Variants in TRHDE observed in about 807,000 individuals in gnomAD.
TRHDE encodes thyrotropin releasing hormone degrading enzyme.
TRHDE carries 72 observed loss-of-function variants against 125.7 expected under a neutral mutation model. The observed-to-expected ratio is 0.57, with a 90% CI of 0.47 to 0.70. TRHDE has a LOEUF of 0.70. Among genes scored for constraint, TRHDE ranks in the 30% least tolerant of loss-of-function variants. The pLI, the probability that TRHDE is intolerant of heterozygous loss-of-function variation, is 0.00. For missense variants in TRHDE, 1,110 were observed against 1,327.1 expected (o/e 0.84, Z 2.54); for synonymous variants, 509 against 509.1 (o/e 1.00, Z 0.00).
In TRHDE at chr12:72,381,495, A is replaced by G. The variant is rs1872176599; in HGVS notation, c.1315+3374A>G. Reference sequence around the variant, plus strand: ...ACTGCAAGCTCCGCCTCCCGGGTTCACGCCATTCTCCTGCCTCAGCCTCCC... The same window carrying G: ...ACTGCAAGCTCCGCCTCCCGGGTTCGCGCCATTCTCCTGCCTCAGCCTCCC... On this transcript the variant is annotated intron_variant, in intron 3 of 18. Coordinates refer to ENST00000261180, the MANE Select transcript of TRHDE (RefSeq NM_013381.3). Among the ~76,000 whole-genome samples the G allele has an allele frequency of 3.4e-5, 5 of 148,712 alleles. No homozygotes were observed. In the South Asian group the frequency reaches 1.1e-3, roughly 31 times the overall value.
intron 3 of TRHDE, among the ~76,000 whole-genome samples, chr12:72,446,816 A>G (rs935909460): frequency 8.5e-5 from 13 of 152,158 alleles, no homozygotes; most frequent in East Asian, 3.9e-4. Flanking sequence ...AGAGCTAACT[A>G]TCCTAAATAT....
At chr12:72,475,338 T>C (rs1876841292) in intron 5 of TRHDE, among the ~76,000 whole-genome samples, 1 of 152,190 alleles carries the variant, frequency 6.6e-6, no homozygotes, top group South Asian at 2.1e-4. Context: ...ATGTCCTTAT[T>C]ACAAGTGATG....
chr12:72,579,101 T>C (rs1260898833), intron 12 of TRHDE, among the ~76,000 whole-genome samples: 2 of 151,916 alleles, frequency 1.3e-5, no homozygotes, highest in African/African-American at 4.8e-5. Context: ...GCAATGAGTG[T>C]CCATGAGGAG....
chr12:72,285,255 G>A (rs1412057164), intron 1 of TRHDE, among the ~76,000 whole-genome samples: 1 of 152,092 alleles, frequency 6.6e-6, no homozygotes, highest in African/African-American at 2.4e-5. Flanking sequence ...ATAATTTTGA[G>A]GCCAAGTTCG....
intron 15 of TRHDE, among the ~76,000 whole-genome samples, chr12:72,640,370 C>A (rs1011355230): frequency 6.6e-6 from 1 of 152,224 alleles, no homozygotes; most frequent in Non-Finnish European, 1.5e-5. Flanking sequence ...GGCTCGCGCA[C>A]GGTGCGTGCA....
chr12:72,604,777 G>T (rs1023780708), intron 12 of TRHDE, among the ~76,000 whole-genome samples: 3 of 151,956 alleles, frequency 2.0e-5, no homozygotes, highest in African/African-American at 7.2e-5. Context: ...CTTCTTACAA[G>T]TGTTAATGAG....
chr12:72,432,815 G>C (rs915808622), intron 3 of TRHDE, among the ~76,000 whole-genome samples: 13 of 152,018 alleles, frequency 8.6e-5, no homozygotes, highest in Admixed American at 2.6e-4. Context: ...TCATTTTTTT[G>C]CTTAGTTAAT....
At chr12:72,105,701 G>A (rs369715438) in exon 2 of TRHDE, 13 of 152,112 alleles carry the variant, frequency 8.5e-5, no homozygotes, top group African/African-American at 3.1e-4. Context: ...GCTAATAGGT[G>A]GCAGTCTGAC....
intron 12 of TRHDE, among the ~76,000 whole-genome samples, chr12:72,576,087 A>G (rs1870980253): frequency 1.3e-5 from 2 of 152,136 alleles, no homozygotes; most frequent in African/African-American, 4.8e-5. Flanking sequence ...TAATATTCAA[A>G]TTAGTTATTC....
intron 15 of TRHDE, among the ~76,000 whole-genome samples, chr12:72,629,273 A>T (rs1873380760): frequency 6.6e-6 from 1 of 151,882 alleles, no homozygotes; most frequent in South Asian, 2.1e-4. Context: ...GCATAGAGGC[A>T]CATAGTCAAT....
chr12:72,590,682 A>G (rs1871634821), intron 12 of TRHDE, among the ~76,000 whole-genome samples: 1 of 152,124 alleles, frequency 6.6e-6, no homozygotes, highest in African/African-American at 2.4e-5. Context: ...ATTACTTTTA[A>G]TATATTTGCT....
At position 72,490,992 on chromosome 12, in the gene TRHDE, C is replaced by CAA. The variant is rs71438815; in HGVS notation, c.1585-8490_1585-8489dup. Among the ~76,000 whole-genome samples the CAA allele has an allele frequency of 1.3e-3, 155 of 119,346 alleles. 1 individual carries two copies. Among genetic ancestry groups the CAA allele is most frequent in the African/African-American group, 3.8e-3 (136 of 35,438 alleles). 78.3% of individuals were successfully genotyped at this position (119,346 alleles called of 152,430 possible). ...ATTTTAGCTGCTCTTGCCACAAAACCAAAAAAAAAAAAAAAAATAGATAGC... is the reference window on the plus strand; with the variant it reads ...ATTTTAGCTGCTCTTGCCACAAAACCAAAAAAAAAAAAAAAAAAATAGATAGC... On this transcript the variant is annotated intron_variant, in intron 5 of 18. Coordinates refer to ENST00000261180, the MANE Select transcript of TRHDE (RefSeq NM_013381.3).
At chr12:72,248,594 G>C (rs1878621160) in intron 2 of TRHDE, among the ~76,000 whole-genome samples, 2 of 152,148 alleles carry the variant, frequency 1.3e-5, no homozygotes, top group Admixed American at 6.5e-5. Context: ...AGAAGAGGAA[G>C]GAGAACAAAT....
At position 72,272,375 on chromosome 12, in the gene TRHDE, G is replaced by T; in HGVS notation, c.-269G>T. On this transcript the variant is annotated 5_prime_UTR_variant, in exon 1 of 19. Transcript: ENST00000261180. The surrounding 1 kb of genome is among the most constrained non-coding windows in gnomAD (Gnocchi z 6.7). Reference sequence around the variant, plus strand: ...CCGCCGCCGGGTGCTCGTCCGAGAAGTAGCGCGCGCTGGGCAAGCAAGACG... The same window carrying T: ...CCGCCGCCGGGTGCTCGTCCGAGAATTAGCGCGCGCTGGGCAAGCAAGACG... The T allele has an allele frequency of 2.6e-6, 1 of 379,988 alleles. No homozygotes were observed. 23.5% of individuals were successfully genotyped at this position (379,988 alleles called of 1,614,324 possible).
Position 72,562,178 on chromosome 12 carries a change from T to C in TRHDE, c.1802T>C (p.Ile601Thr). The part of the protein sequence containing the change: ...FQRGLQDYLT[I>T]HKYGNAARND... ...ATATTCTTGTAGGATTATTTAACCA[T>C]TCATAAGTATGGTAATGCAGCCAGA... Residue 601 changes from isoleucine (I) to threonine (T), a missense_variant, in exon 8 of 19, where the codon ATT (isoleucine) becomes ACT (threonine). Ile to Thr is a moderately conservative substitution (Grantham distance 89). This residue lies in a region of TRHDE where 527 missense variants were observed against 651.8 expected (regional missense o/e 0.81). Transcript: ENST00000261180. The C allele has an allele frequency of 6.5e-7, 1 of 1,541,306 alleles. No individual in the cohort carries two copies. Among genetic ancestry groups the C allele is most frequent in the Non-Finnish European group, 8.9e-7 (1 of 1,119,264 alleles).
At chr12:72,387,487 C>A (rs1872469999) in intron 3 of TRHDE, among the ~76,000 whole-genome samples, 1 of 151,874 alleles carries the variant, frequency 6.6e-6, no homozygotes, top group African/African-American at 2.4e-5. Flanking sequence ...AAGAGTTCAA[C>A]CTAAATAAAA....
chr12:72,396,142 C>T (rs1872779887), intron 3 of TRHDE, among the ~76,000 whole-genome samples: 1 of 152,122 alleles, frequency 6.6e-6, no homozygotes, highest in Non-Finnish European at 1.5e-5. Context: ...ATCATCAGGT[C>T]CCCACTCTTC....
rs187964287 is a variant in TRHDE, at chr12:72,641,163, C to T, written c.2676-11159C>T. On this transcript the variant is annotated intron_variant, in intron 15 of 18. Transcript: ENST00000261180. Reference sequence around the variant, plus strand: ...TGCCAAAAACTTGCTTAGAAATAGACTTATGTCATAAGTATCAAAATTTGT... The same window carrying T: ...TGCCAAAAACTTGCTTAGAAATAGATTTATGTCATAAGTATCAAAATTTGT... Among the ~76,000 whole-genome samples the T allele has an allele frequency of 2.9e-3, 446 of 152,220 alleles. 2 individuals are homozygous for T. Among genetic ancestry groups the T allele is most frequent in the African/African-American group, 0.01 (421 of 41,536 alleles).
At chr12:72,566,991 T>C (rs1266604221) in intron 9 of TRHDE, among the ~76,000 whole-genome samples, 1 of 151,982 alleles carries the variant, frequency 6.6e-6, no homozygotes, top group African/African-American at 2.4e-5. Context: ...ATCAGACTCA[T>C]AGTTGGGCAT....
Sources: gnomAD v4.1 joint callset for allele counts (sites outside exome capture counted in the v4.1 genomes callset) on GRCh38, gnomAD v4.1.1 for gene constraint, gnomAD v4.1.1 regional missense constraint, Gnocchi (gnomAD v3.1) non-coding constraint, MANE v1.5 for transcripts, NCBI Gene and HGNC (gene_info 2026-07-23, HGNC 2026-07-21) for gene names.